NPAS3: variants seen among roughly 807,000 people sequenced by gnomAD.
NPAS3 encodes the protein neuronal PAS domain-containing protein 3.
A neutral mutation model predicts 73.1 loss-of-function variants in NPAS3; 14 were observed. That is an observed-to-expected ratio of 0.19 (90% CI 0.13 to 0.30). NPAS3 has a LOEUF of 0.30. Ranked by LOEUF, NPAS3 falls within the 10% of genes least tolerant of loss-of-function variation. The probability of loss-of-function intolerance (pLI) is 1.00; values close to 1 mark genes in which losing one functional copy is unlikely to be tolerated. For missense variants in NPAS3, 1,096 were observed against 1,250.0 expected (o/e 0.88, Z 1.86); for synonymous variants, 620 against 541.5 (o/e 1.14, Z -2.01).
intron 4 of NPAS3, among the ~76,000 whole-genome samples, chr14:33,406,173 T>C (rs549251087): frequency 6.6e-6 from 1 of 152,256 alleles, no homozygotes; most frequent in South Asian, 2.1e-4. Context: ...ATAACAACTA[T>C]AGCATAATTG....
intron 5 of NPAS3, among the ~76,000 whole-genome samples, chr14:33,656,801 C>A (rs1160016687): frequency 2.0e-5 from 3 of 152,138 alleles, no homozygotes; most frequent in African/African-American, 4.8e-5. Context: ...TACATTAGAT[C>A]TCTAGAACTT....
At chr14:33,676,888 G>A (rs1393101083) in intron 6 of NPAS3, among the ~76,000 whole-genome samples, 2 of 152,058 alleles carry the variant, frequency 1.3e-5, no homozygotes, top group African/African-American at 4.8e-5. Flanking sequence ...AACAGAAATG[G>A]CTACATTTTA....
At chr14:33,253,863 C>T (rs529038546) in intron 3 of NPAS3, among the ~76,000 whole-genome samples, 4 of 152,100 alleles carry the variant, frequency 2.6e-5, no homozygotes, top group East Asian at 1.9e-4. Flanking sequence ...CATTTTGCCT[C>T]GATCTGCCAT....
intron 1 of NPAS3, among the ~76,000 whole-genome samples, chr14:32,972,651 A>C (rs772273209): frequency 6.6e-6 from 1 of 152,190 alleles, no homozygotes; most frequent in Non-Finnish European, 1.5e-5. Flanking sequence ...TCTTATTAAA[A>C]TCTTTGCTTT....
At chr14:32,940,810 A>G (rs192725807) in intron 1 of NPAS3, among the ~76,000 whole-genome samples, 8 of 152,198 alleles carry the variant, frequency 5.3e-5, no homozygotes, top group Non-Finnish European at 7.4e-5. Context: ...TATTTCTTTC[A>G]TACGATAGGG....
intron 2 of NPAS3, among the ~76,000 whole-genome samples, chr14:33,067,122 G>A (rs749033716): frequency 2.0e-4 from 31 of 152,194 alleles, no homozygotes; most frequent in Non-Finnish European, 4.0e-4. Flanking sequence ...GACCCTCTCC[G>A]GTCTGTGTGG....
At chr14:33,353,156 TAAAA>T (rs35112023) in intron 3 of NPAS3, among the ~76,000 whole-genome samples, 1 of 146,828 alleles carries the variant, frequency 6.8e-6, no homozygotes, top group African/African-American at 2.5e-5. Flanking sequence ...ATGGCTTCTG[TAAAA>T]AAAAAAAAAA....
intron 4 of NPAS3, among the ~76,000 whole-genome samples, chr14:33,460,614 G>A (rs979366854): frequency 5.3e-5 from 8 of 152,104 alleles, no homozygotes; most frequent in Admixed American, 2.6e-4. Flanking sequence ...GAATAATCAC[G>A]TATATTTTCG....
intron 4 of NPAS3, among the ~76,000 whole-genome samples, chr14:33,379,212 A>C (rs142751958): frequency 0.018 from 2,663 of 151,826 alleles, 81 homozygotes; most frequent in African/African-American, 0.061. Context: ...TCTGGTCCCA[A>C]GCTTTTTTTT....
intron 3 of NPAS3, among the ~76,000 whole-genome samples, chr14:33,270,224 G>A (rs1041224596): frequency 3.9e-5 from 6 of 152,132 alleles, no homozygotes. Context: ...CCCAGAGACT[G>A]AGAGTAATGC....
chr14:33,425,443 T>C (rs899998431), intron 4 of NPAS3, among the ~76,000 whole-genome samples: 1 of 151,986 alleles, frequency 6.6e-6, no homozygotes, highest in Non-Finnish European at 1.5e-5. Flanking sequence ...ACCTTTATTA[T>C]TTATCTCATA....
rs2041413753 is a variant in NPAS3, at chr14:33,069,642, T to C, written c.140+13648T>C. Among the ~76,000 whole-genome samples, 4 of 152,226 alleles carry C rather than the reference T, an allele frequency of 2.6e-5. No homozygotes were observed. In the South Asian group the frequency reaches 8.3e-4, roughly 31 times the overall value. On this transcript the variant is annotated intron_variant, in intron 2 of 11. Coordinates refer to ENST00000356141, the Ensembl canonical transcript of NPAS3. The stretch of plus-strand genomic sequence containing the variant: ...CTGATGATAGTATCTCATAGGATTT[T>C]CTCTTAGGATTTTCCATAGGGATTA...
At chr14:33,502,757 T>G (rs1395807280) in intron 4 of NPAS3, among the ~76,000 whole-genome samples, 1 of 151,986 alleles carries the variant, frequency 6.6e-6, no homozygotes, top group Non-Finnish European at 1.5e-5. Flanking sequence ...CCTAGTTTCC[T>G]TCTCTTCTGT....
rs550379549 is a variant in NPAS3 at position 33,787,648 on chromosome 14, TAAG to T, written c.1154-6247_1154-6245del. On this transcript the variant is annotated intron_variant, in intron 9 of 11. Transcript: ENST00000356141. Reference sequence around the variant, plus strand: ...AACCAATTTCTGGATGCCTGCTATTTAAGACATCTAGCTCACTAATTGCAAAAT... The same window carrying T: ...AACCAATTTCTGGATGCCTGCTATTTACATCTAGCTCACTAATTGCAAAAT... Among the ~76,000 whole-genome samples the T allele has an allele frequency of 2.6e-5, 4 of 151,864 alleles. No individual in the cohort carries two copies. In the South Asian group the frequency reaches 8.3e-4, roughly 32 times the overall value.
chr14:33,241,191 G>A lies in NPAS3; in HGVS notation c.385+25765G>A, dbSNP rs145991985. On this transcript the variant is annotated intron_variant, in intron 3 of 11. Transcript: ENST00000356141. ...TATGCCTGGTGAACTCTGATTTTCT[G>A]AAAACTAAGGCTATTGATTTACTTA... is the stretch of plus-strand genomic sequence containing the variant. Among the ~76,000 whole-genome samples, 239 of 152,022 alleles carry A rather than the reference G, an allele frequency of 1.6e-3. 1 individual carries two copies. Among genetic ancestry groups the A allele is most frequent in the Non-Finnish European group, 2.2e-3 (148 of 67,846 alleles).
At chr14:33,784,745 A>ATTTTTTTTTTTTATTTTTTT (rs2063103673) in intron 9 of NPAS3, among the ~76,000 whole-genome samples, 2 of 73,860 alleles carry the variant, frequency 2.7e-5, no homozygotes, top group African/African-American at 1.2e-4. Flanking sequence ...TTATTTATTT[A>ATTTTTTTTTTTTATTTTTTT]TTTTTTTTTT....
At chr14:33,688,280 C>G (rs139861751) in intron 6 of NPAS3, among the ~76,000 whole-genome samples, 2 of 152,186 alleles carry the variant, frequency 1.3e-5, no homozygotes, top group Admixed American at 1.3e-4. Flanking sequence ...CACGTGTTCT[C>G]ACTGGAAATT....
chr14:32,967,772 G>A (rs576634828), intron 1 of NPAS3, among the ~76,000 whole-genome samples: 1 of 44,306 alleles, frequency 2.3e-5, no homozygotes, highest in Non-Finnish European at 6.8e-5. Context: ...AACAGCATGT[G>A]GGGGGGGGTC....
rs78340727 is a variant in NPAS3 at position 33,331,990 on chromosome 14, A to G, written c.386-35196A>G. 4.7e-4 allele frequency among the ~76,000 whole-genome samples: 72 copies of G among 152,288 alleles called. 1 individual carries two copies. The East Asian group carries it at 6.8e-3, about 14-fold the overall frequency. On this transcript the variant is annotated intron_variant, in intron 3 of 11. Coordinates refer to ENST00000356141, the Ensembl canonical transcript of NPAS3. ...CTTTAGAAACCTGGGGAAAACACCTACTTGTCTAATTTCCTTTGCAGTGCT... is the reference window on the plus strand; with the variant it reads ...CTTTAGAAACCTGGGGAAAACACCTGCTTGTCTAATTTCCTTTGCAGTGCT...
Sources: gnomAD v4.1 joint callset for allele counts (sites outside exome capture counted in the v4.1 genomes callset) on GRCh38, gnomAD v4.1.1 for gene constraint, MANE v1.5 for transcripts, NCBI Gene and HGNC (gene_info 2026-07-23, HGNC 2026-07-21) for gene names.